The following CRLS1 variants were observed in gnomAD, a reference collection of about 807,000 sequenced individuals.
CRLS1 encodes the protein cardiolipin synthase 1, also known as cardiolipin synthase (CMP-forming).
CRLS1 carries 24 observed loss-of-function variants against 37.0 expected under a neutral mutation model. That is an observed-to-expected ratio of 0.65 (90% CI 0.47 to 0.91). The LOEUF (loss-of-function observed/expected upper bound fraction) is 0.91. Among genes scored for constraint, CRLS1 ranks in the 40% least tolerant of loss-of-function variants. CRLS1 has a pLI of 0.00. For missense variants in CRLS1, 373 were observed against 395.8 expected (o/e 0.94, Z 0.49); for synonymous variants, 135 against 159.7 (o/e 0.85, Z 1.17).
chr20:6,037,215 C>A lies in CRLS1; in HGVS notation c.*57C>A. 1 of 1,288,512 alleles carries A rather than the reference C, an allele frequency of 7.8e-7. No individual in the cohort carries two copies. The highest frequency in any genetic ancestry group is 1.1e-6 in the Non-Finnish European group (1 of 901,116). 79.8% of individuals were successfully genotyped at this position (1,288,512 alleles called of 1,614,324 possible). A position where few individuals can be genotyped will look rare whatever the true frequency, so the allele number is the denominator to read the frequency against. On this transcript the variant is annotated 3_prime_UTR_variant, in exon 7 of 7. Coordinates refer to ENST00000378863, the MANE Select transcript of CRLS1 (RefSeq NM_019095.6). ...CAGTATACATCAATGGGAACAGGGCCCATGGAAATGTACAGGAGTTTCCCT... is the reference window on the plus strand; with the variant it reads ...CAGTATACATCAATGGGAACAGGGCACATGGAAATGTACAGGAGTTTCCCT...
chr20:6,012,272 T>C (rs1183685156), intron 2 of CRLS1, among the ~76,000 whole-genome samples: 1 of 151,812 alleles, frequency 6.6e-6, no homozygotes, highest in Non-Finnish European at 1.5e-5. Flanking sequence ...GTGTGGAAAA[T>C]GGATTATAGA....
chr20:6,007,253 G>C lies in CRLS1; in HGVS notation c.306+701G>C, dbSNP rs2090070440. On this transcript the variant is annotated intron_variant, in intron 1 of 6. Transcript: ENST00000378863. ...AGTGGCCCCTGTACTGCTTTCATCAGTTGTACAGCATGGGTTGAGGTGGCC... is the reference window on the plus strand; with the variant it reads ...AGTGGCCCCTGTACTGCTTTCATCACTTGTACAGCATGGGTTGAGGTGGCC... 3.3e-6 allele frequency: 5 copies of C among 1,531,246 alleles called. No individual in the cohort carries two copies. The East Asian group carries it at 7.3e-5, about 22-fold the overall frequency. The allele number at this position is 1,531,246 out of a possible 1,614,324, so 94.9% of individuals were successfully genotyped here.
At position 6,006,294 on chromosome 20, in the gene CRLS1, C is replaced by T. The variant is rs2090052920; in HGVS notation, c.48C>T (p.Gly16=). The stretch of plus-strand genomic sequence containing the variant: ...GCGGCTCGTGGGGGGCCCTGCGCGG[C>T]GCCGCTTGGGCTCCGGGAACGCGGC... The part of the protein sequence containing the change: ...VARGSWGALR[G]AAWAPGTRPS... Residue 16 remains glycine, a synonymous_variant, in exon 1 of 7, where the codon GGC becomes GGT. Coordinates refer to ENST00000378863, the MANE Select transcript of CRLS1 (RefSeq NM_019095.6). The T allele has an allele frequency of 7.7e-7, 1 of 1,296,834 alleles. No individual in the cohort carries two copies. The highest frequency in any genetic ancestry group is 2.4e-5 in the South Asian group (1 of 41,252). The allele number at this position is 1,296,834 out of a possible 1,614,324, so 80.3% of individuals were successfully genotyped here.
At chr20:6,034,341 T>C in intron 5 of CRLS1, 123 bp from the exon 6 acceptor site, 1 of 652,816 alleles carries the variant, frequency 1.5e-6, no homozygotes, top group Non-Finnish European at 2.7e-6. Flanking sequence ...ATAGTGTAGA[T>C]GAACAGCAAG....
At chr20:6,014,110 T>A (rs1429776755) in intron 2 of CRLS1, among the ~76,000 whole-genome samples, 1 of 152,200 alleles carries the variant, frequency 6.6e-6, no homozygotes, top group Non-Finnish European at 1.5e-5. Context: ...TAGTAACTGC[T>A]TTTTTTGAGG....
Position 6,022,801 on chromosome 20 carries a change from G to A in CRLS1, c.574+7311G>A, listed in dbSNP as rs114059468. Among the ~76,000 whole-genome samples, 953 of 152,254 alleles carry A rather than the reference G, an allele frequency of 6.3e-3. 6 individuals carry two copies. The highest frequency in any genetic ancestry group is 0.022 in the African/African-American group (914 of 41,538). Reference sequence around the variant, plus strand: ...TTCAATCTGTGCATTATATCTTGAAGTCAGTGCTAGAAAATTCTCAGCCAC... The same window carrying A: ...TTCAATCTGTGCATTATATCTTGAAATCAGTGCTAGAAAATTCTCAGCCAC... On this transcript the variant is annotated intron_variant, in intron 3 of 6. Coordinates refer to ENST00000378863, the MANE Select transcript of CRLS1 (RefSeq NM_019095.6).
At position 6,016,500 on chromosome 20, in the gene CRLS1, G is replaced by A. The variant is rs185038968; in HGVS notation, c.574+1010G>A. On this transcript the variant is annotated intron_variant, in intron 3 of 6. Coordinates refer to ENST00000378863, the MANE Select transcript of CRLS1 (RefSeq NM_019095.6). ...GAGTTTTCTTGCCTAGGCTGGTCTC[G>A]AACTTCTGGGATCAAGTGATCCTCC... Among the ~76,000 whole-genome samples the A allele has an allele frequency of 3.8e-4, 57 of 151,924 alleles. 1 individual carries two copies. Among genetic ancestry groups the A allele is most frequent in the African/African-American group, 1.3e-3 (53 of 41,450 alleles).
chr20:6,032,025 A>T lies in CRLS1; in HGVS notation c.674A>T (p.Lys225Met), dbSNP rs769946056. 6.2e-7 allele frequency: 1 copy of T among 1,612,726 alleles called. No homozygotes were observed. The highest frequency in any genetic ancestry group is 8.5e-7 in the Non-Finnish European group (1 of 1,178,974). ...GTCCTCTGCCAGCGAACACTTGCCA[A>T]GTATTTCAATCCTTGCTATGCCACT... is the stretch of plus-strand genomic sequence containing the variant. Reference protein sequence around the residue: ...RTLPTPRTLAKYFNPCYATAR... With the variant: ...RTLPTPRTLAMYFNPCYATAR... Residue 225 changes from lysine to methionine, a missense_variant, in exon 5 of 7, where the codon AAG becomes ATG. Transcript: ENST00000378863.
intron 3 of CRLS1, 30 bp from the exon 4 acceptor site, chr20:6,031,255 A>G: frequency 6.8e-7 from 1 of 1,462,356 alleles, no homozygotes; most frequent in Non-Finnish European, 9.5e-7. Context: ...TCAGAATCCC[A>G]GTTAAAATTA....
intron 1 of CRLS1, 103 bp downstream of exon 1, chr20:6,006,655 CCTAA>C: frequency 8.2e-7 from 1 of 1,212,690 alleles, no homozygotes. Flanking sequence ...GCTTCCGTTT[CCTAA>C]CTTTTAGACT....
chr20:6,007,161 G>C (rs1277642180), intron 1 of CRLS1: 2 of 1,220,388 alleles, frequency 1.6e-6, no homozygotes, highest in Admixed American at 6.4e-5. Context: ...GCATGAGTGT[G>C]GGAGAGCTTT....
intron 3 of CRLS1, among the ~76,000 whole-genome samples, chr20:6,018,308 C>G (rs1408059848): frequency 6.6e-6 from 1 of 150,982 alleles, no homozygotes; most frequent in African/African-American, 2.4e-5. Flanking sequence ...TTATGTCTAG[C>G]GAAACTTGCT....
At chr20:6,007,280 G>A in intron 1 of CRLS1, 1 of 1,558,498 alleles carries the variant, frequency 6.4e-7, no homozygotes, top group East Asian at 2.4e-5. Flanking sequence ...GAGGTGGCCA[G>A]ATCCTGGCAG....
At chr20:6,024,236 A>G (rs1040837893) in intron 3 of CRLS1, among the ~76,000 whole-genome samples, 4 of 152,120 alleles carry the variant, frequency 2.6e-5, no homozygotes, top group African/African-American at 7.2e-5. Flanking sequence ...GATTACAGGC[A>G]TGAGCCACAG....
At chr20:6,035,392 T>C (rs1046862321) in intron 6 of CRLS1, among the ~76,000 whole-genome samples, 1 of 152,238 alleles carries the variant, frequency 6.6e-6, no homozygotes, top group Admixed American at 6.5e-5. Flanking sequence ...TTTCATTTTT[T>C]ACTTCTTTAA....
rs180954811 is a variant in CRLS1, at chr20:6,021,239, G to T, written c.574+5749G>T. On this transcript the variant is annotated intron_variant, in intron 3 of 6. Transcript: ENST00000378863. ...GTGCCACCATGCCCTGCTAATTTTT[G>T]TATTTTTAGTAGAGACGGGGTTTCA... Among the ~76,000 whole-genome samples, 54 of 151,612 alleles carry T rather than the reference G, an allele frequency of 3.6e-4. 1 individual carries two copies. The highest frequency in any genetic ancestry group is 1.3e-3 in the African/African-American group (53 of 41,350).
chr20:6,009,713 A>ATAGT (rs2090107047), intron 1 of CRLS1, 62 bp from the exon 2 acceptor site: 1 of 1,392,096 alleles, frequency 7.2e-7, no homozygotes, highest in African/African-American at 1.4e-5. Flanking sequence ...ATGTATGTAT[A>ATAGT]TAGTTATTCA....
intron 2 of CRLS1, 61 bp downstream of exon 2, chr20:6,009,973 C>G (rs2090111572): frequency 1.3e-6 from 2 of 1,527,812 alleles, no homozygotes; most frequent in African/African-American, 1.4e-5. Flanking sequence ...TACTACTAAA[C>G]CGAAATAGCA....
Position 6,006,427 on chromosome 20 carries a change from C to T in CRLS1, c.181C>T (p.Pro61Ser). The T allele has an allele frequency of 2.8e-6, 4 of 1,407,986 alleles. No homozygotes were observed. Among genetic ancestry groups the T allele is most frequent in the Non-Finnish European group, 2.8e-6 (3 of 1,081,334 alleles). The allele number at this position is 1,407,986 out of a possible 1,614,324, so 87.2% of individuals were successfully genotyped here. A position where few individuals can be genotyped will look rare whatever the true frequency, so the allele number is the denominator to read the frequency against. Residue 61 changes from proline to serine, a missense_variant, in exon 1 of 7, where the codon CCC becomes TCC. Coordinates refer to ENST00000378863, the MANE Select transcript of CRLS1 (RefSeq NM_019095.6). The part of the protein sequence containing the change: ...LRPAALGLRL[P>S]GIGQRNHCSG... ...TCCGGCCGCTCTTGGCTTGCGGCTG[C>T]CCGGGATCGGCCAGCGGAACCACTG...
Sources: allele counts gnomAD v4.1 joint callset (sites outside exome capture counted in the v4.1 genomes callset), GRCh38; gene constraint gnomAD v4.1.1; transcripts MANE v1.5; gene names NCBI Gene and HGNC (gene_info 2026-07-23, HGNC 2026-07-21).